The following USH2A variants were observed in gnomAD, a reference collection of about 807,000 sequenced individuals.
USH2A encodes Usher syndrome 2A (autosomal recessive, mild).
In USH2A, 443 loss-of-function variants were observed where a neutral mutation model predicts 538.9. The ratio of observed to expected loss-of-function variants is 0.82; its 90% CI spans 0.76 to 0.89. The LOEUF (loss-of-function observed/expected upper bound fraction) is 0.89. USH2A is among the 40% of genes least tolerant of loss of function. The pLI is 0.00. For missense variants in USH2A, 6,633 were observed against 6,324.8 expected (o/e 1.05, Z -1.65); for synonymous variants, 2,413 against 2,273.5 (o/e 1.06, Z -1.75).
chr1:216,389,421 C>A (rs2039062023), intron 3 of USH2A, among the ~76,000 whole-genome samples: 1 of 152,226 alleles, frequency 6.6e-6, no homozygotes, highest in African/African-American at 2.4e-5. Flanking sequence ...ATACTTTTAT[C>A]AATAGAATAT....
At chr1:215,778,083 G>A (rs916345287) in intron 55 of USH2A, among the ~76,000 whole-genome samples, 4 of 146,708 alleles carry the variant, frequency 2.7e-5, no homozygotes, top group African/African-American at 7.7e-5. Flanking sequence ...ACAGAGTCTC[G>A]TTCTGTTGCC....
intron 32 of USH2A, among the ~76,000 whole-genome samples, chr1:216,016,001 T>C (rs192701605): frequency 0.014 from 2,063 of 152,284 alleles, 47 homozygotes; most frequent in African/African-American, 0.047. Flanking sequence ...CACCATGGAA[T>C]ACTATGTAGC....
At chr1:215,672,933 A>G (rs1342077763) in intron 63 of USH2A, among the ~76,000 whole-genome samples, 1 of 152,100 alleles carries the variant, frequency 6.6e-6, no homozygotes, top group African/African-American at 2.4e-5. Context: ...AAACTCTTTC[A>G]CCTCTAGAAT....
At chr1:215,727,884 G>C (rs1354815221) in intron 61 of USH2A, 146 bp downstream of exon 61, 3 of 942,744 alleles carry the variant, frequency 3.2e-6, no homozygotes, top group African/African-American at 1.6e-5. Flanking sequence ...TCTTATCCCC[G>C]TGACTACATT....
intron 44 of USH2A, among the ~76,000 whole-genome samples, chr1:215,862,764 A>C (rs545877542): frequency 1.3e-5 from 2 of 152,312 alleles, no homozygotes; most frequent in Non-Finnish European, 2.9e-5. Context: ...TTTAGTCCTT[A>C]ACAGATTTCA....
intron 64 of USH2A, among the ~76,000 whole-genome samples, chr1:215,664,934 C>T (rs1657556453): frequency 1.3e-5 from 2 of 152,132 alleles, no homozygotes; most frequent in Non-Finnish European, 2.9e-5. Context: ...TATGATATTC[C>T]ATCATAGCAG....
chr1:215,725,577 T>C (rs1416874452), intron 61 of USH2A, among the ~76,000 whole-genome samples: 1 of 152,224 alleles, frequency 6.6e-6, no homozygotes, highest in Non-Finnish European at 1.5e-5. Context: ...AAGCCTTCTC[T>C]TGAAATTCTA....
At chr1:216,289,187 A>G in intron 11 of USH2A, 93 bp downstream of exon 11, 1 of 1,576,000 alleles carries the variant, frequency 6.3e-7, no homozygotes, top group East Asian at 2.3e-5. Context: ...TTTCCTGGCA[A>G]ATGCAGTCTT....
intron 9 of USH2A, among the ~76,000 whole-genome samples, chr1:216,315,574 T>G (rs1469841794): frequency 1.3e-5 from 2 of 152,102 alleles, no homozygotes; most frequent in African/African-American, 4.8e-5. Flanking sequence ...AACTATATAT[T>G]TTTAAGTGGG....
At chr1:216,273,641 T>C (rs1558357019) in intron 11 of USH2A, among the ~76,000 whole-genome samples, 1 of 152,064 alleles carries the variant, frequency 6.6e-6, no homozygotes, top group African/African-American at 2.4e-5. Flanking sequence ...CCTACATTTG[T>C]TTGGTGACTA....
At chr1:215,828,768 C>A (rs1663231710) in intron 47 of USH2A, among the ~76,000 whole-genome samples, 1 of 152,072 alleles carries the variant, frequency 6.6e-6, no homozygotes, top group African/African-American at 2.4e-5. Flanking sequence ...GAGCCTCATG[C>A]CTGGAAATGA....
At chr1:215,978,690 G>T (rs1667678616) in intron 35 of USH2A, among the ~76,000 whole-genome samples, 1 of 152,150 alleles carries the variant, frequency 6.6e-6, no homozygotes, top group Admixed American at 6.5e-5. Flanking sequence ...ATAGTAGACA[G>T]TAGGTACAGG....
At chr1:216,123,841 C>T (rs147307745) in intron 21 of USH2A, among the ~76,000 whole-genome samples, 1 of 152,134 alleles carries the variant, frequency 6.6e-6, no homozygotes. Flanking sequence ...AGAAAGTTTT[C>T]TTTTTCCTGC....
chr1:216,131,572 G>C (rs578176100), intron 21 of USH2A, among the ~76,000 whole-genome samples: 17 of 152,028 alleles, frequency 1.1e-4, no homozygotes, highest in African/African-American at 4.1e-4. Flanking sequence ...ATTTCCTACT[G>C]TTTTCTCACA....
chr1:216,067,555 A>T (rs1474578673), intron 30 of USH2A, among the ~76,000 whole-genome samples: 1 of 152,088 alleles, frequency 6.6e-6, no homozygotes, highest in Non-Finnish European at 1.5e-5. Flanking sequence ...GTCCAGGAAA[A>T]AGATGGTAGT....
At chr1:216,407,531 T>C (rs747021173) in intron 3 of USH2A, among the ~76,000 whole-genome samples, 1 of 152,112 alleles carries the variant, frequency 6.6e-6, no homozygotes, top group Non-Finnish European at 1.5e-5. Context: ...TGTTGCACTT[T>C]AGAGAAAGAA....
At chr1:216,195,628 G>T (rs996348780) in intron 19 of USH2A, 2 of 150,384 alleles carry the variant, frequency 1.3e-5, no homozygotes, top group African/African-American at 2.4e-5. Flanking sequence ...CCAAGGGCAT[G>T]AAAAAAAAAG....
chr1:216,202,647 C>A (rs1396367512), intron 16 of USH2A, among the ~76,000 whole-genome samples: 1 of 152,132 alleles, frequency 6.6e-6, no homozygotes, highest in Non-Finnish European at 1.5e-5. Flanking sequence ...TTGGCTGATA[C>A]CCTCCTGGTT....
At chr1:216,421,501 GA>G (rs2039675779) in intron 2 of USH2A, among the ~76,000 whole-genome samples, 1 of 152,080 alleles carries the variant, frequency 6.6e-6, no homozygotes, top group African/African-American at 2.4e-5. Context: ...TCAAGATTTT[GA>G]AAATATTAAT....
Sources: gnomAD v4.1 joint callset for allele counts (sites outside exome capture counted in the v4.1 genomes callset) on GRCh38, gnomAD v4.1.1 for gene constraint, MANE v1.5 for transcripts, NCBI Gene and HGNC (gene_info 2026-07-23, HGNC 2026-07-21) for gene names.